The following EXOSC1 variants were observed in gnomAD, a reference collection of about 807,000 sequenced individuals.
The protein encoded by EXOSC1 is exosome complex component CSL4.
EXOSC1 carries 27 observed loss-of-function variants against 31.4 expected under a neutral mutation model. The observed-to-expected ratio is 0.86, with a 90% CI of 0.63 to 1.18. The LOEUF (loss-of-function observed/expected upper bound fraction) is 1.18, where lower values mean the gene tolerates loss of function less well. Ranked by LOEUF, EXOSC1 falls within the 50% of genes most tolerant of loss-of-function variation. The probability of loss-of-function intolerance (pLI) is 0.00; values close to 1 mark genes in which losing one functional copy is unlikely to be tolerated. For synonymous variants in EXOSC1, 84 were observed against 89.5 expected (o/e 0.94, Z 0.35); for missense variants, 228 against 250.3 (o/e 0.91, Z 0.60).
At chr10:97,442,430 GAA>G (rs960387716) in intron 3 of EXOSC1, among the ~76,000 whole-genome samples, 2 of 152,204 alleles carry the variant, frequency 1.3e-5, no homozygotes, top group African/African-American at 4.8e-5. Context: ...TGTGATGACA[GAA>G]AAGTCATGTG....
intron 7 of EXOSC1, among the ~76,000 whole-genome samples, chr10:97,436,870 A>G (rs1466902958): frequency 6.6e-6 from 1 of 152,142 alleles, no homozygotes; most frequent in Non-Finnish European, 1.5e-5. Context: ...CTAAAAATAC[A>G]AAAATTAGCT....
chr10:97,437,106 G>T, intron 7 of EXOSC1, 85 bp downstream of exon 7: 1 of 1,214,430 alleles, frequency 8.2e-7, no homozygotes, highest in Non-Finnish European at 1.2e-6. Context: ...CTGCTTCCCA[G>T]ATAAGGGAAA....
At chr10:97,437,318 T>A in intron 6 of EXOSC1, 43 bp from the exon 7 acceptor site, 7 of 1,481,862 alleles carry the variant, frequency 4.7e-6, no homozygotes, top group Non-Finnish European at 5.6e-6. Flanking sequence ...GAGTTAGAAG[T>A]CTTCCCCCAC....
At chr10:97,439,605 G>T (rs974900250) in intron 4 of EXOSC1, among the ~76,000 whole-genome samples, 23 of 152,222 alleles carry the variant, frequency 1.5e-4, no homozygotes, top group African/African-American at 5.1e-4. Flanking sequence ...TCTATATTAT[G>T]GTGAGCTGTA....
chr10:97,445,976 G>C lies in EXOSC1; in HGVS notation c.10C>G (p.Pro4Ala), dbSNP rs1405818419. 1.2e-6 allele frequency: 2 copies of C among 1,614,216 alleles called. No individual in the cohort carries two copies. The highest frequency in any genetic ancestry group is 1.1e-5 in the South Asian group (1 of 91,084). ...TTACCGGGGATGCAGTATCTCACAG[G>C]TGGCGCCATGATTGCCGCTGTCCCA... MAP[P>A]VRYCIPGERL... Residue 4 changes from proline to alanine, a missense_variant, in exon 1 of 8, where the codon CCT becomes GCT. Transcript: ENST00000370902.
At chr10:97,436,652 C>T (rs754778309) in intron 7 of EXOSC1, 101 bp from the exon 8 acceptor site, 2 of 1,084,904 alleles carry the variant, frequency 1.8e-6, no homozygotes, top group Non-Finnish European at 2.6e-6. Flanking sequence ...AAGCTTCCTA[C>T]TGAACCTCAA....
intron 6 of EXOSC1, 112 bp from the exon 7 acceptor site, chr10:97,437,387 G>A (rs554768056): frequency 2.6e-5 from 21 of 813,524 alleles, no homozygotes; most frequent in South Asian, 3.2e-5. Context: ...GTCTTGCTCC[G>A]TTAACCAGGC....
chr10:97,440,909 C>T (rs1163556838), intron 4 of EXOSC1: 3 of 271,504 alleles, frequency 1.1e-5, no homozygotes, highest in Non-Finnish European at 2.1e-5. Flanking sequence ...GCCTCAGCTT[C>T]TCAAAGTGCT....
chr10:97,438,808 A>G (rs957096804), intron 4 of EXOSC1, 105 bp from the exon 5 acceptor site: 8 of 912,902 alleles, frequency 8.8e-6, no homozygotes, highest in Non-Finnish European at 1.4e-5. Flanking sequence ...GCTGGAGTAC[A>G]GTGGCGCAAT....
In EXOSC1 at chr10:97,436,676, A is replaced by C. The variant is rs992346517; in HGVS notation, c.482-125T>G. ...ACTGAACCTCAACTCATAAAGAAAA[A>C]ACTTTGTTCATTCTACTGACTTATG... is the stretch of plus-strand genomic sequence containing the variant. On this transcript the variant is annotated intron_variant, in intron 7 of 7. Transcript: ENST00000370902. 7.5e-5 allele frequency: 59 copies of C among 788,700 alleles called. 1 individual carries two copies. In the Middle Eastern group the frequency reaches 1.5e-3, roughly 20 times the overall value. 48.9% of individuals were successfully genotyped at this position (788,700 alleles called of 1,614,324 possible).
intron 6 of EXOSC1, 74 bp downstream of exon 6, chr10:97,437,626 G>A: frequency 1.4e-6 from 2 of 1,424,440 alleles, no homozygotes; most frequent in Non-Finnish European, 9.9e-7. Context: ...GGGATTACAG[G>A]CATGAGCCAC....
intron 5 of EXOSC1, among the ~76,000 whole-genome samples, chr10:97,437,951 G>A (rs562880726): frequency 1.3e-5 from 2 of 151,660 alleles, no homozygotes; most frequent in South Asian, 2.1e-4. Context: ...ATGGAGTCTC[G>A]CTCTGTCGCC....
intron 2 of EXOSC1, chr10:97,444,552 T>A (rs149259977): frequency 1.3e-5 from 2 of 152,380 alleles, no homozygotes; most frequent in African/African-American, 2.4e-5. Context: ...ACCACATATG[T>A]AACCATATGC....
At chr10:97,443,648 G>A (rs574795389) in intron 2 of EXOSC1, 78 of 184,262 alleles carry the variant, frequency 4.2e-4, no homozygotes, top group African/African-American at 1.4e-3. Flanking sequence ...TCAGCCTCCC[G>A]AGTAGCTGGG....
Position 97,445,978 on chromosome 10 carries a change from G to T in EXOSC1, c.8C>A (p.Pro3Gln). ...ACCGGGGATGCAGTATCTCACAGGT[G>T]GCGCCATGATTGCCGCTGTCCCAAA... MA[P>Q]PVRYCIPGER... Residue 3 changes from proline (P) to glutamine (Q), a missense_variant, in exon 1 of 8, where the codon CCA becomes CAA. Coordinates refer to ENST00000370902, the MANE Select transcript of EXOSC1 (RefSeq NM_016046.5). The T allele has an allele frequency of 6.2e-7, 1 of 1,614,206 alleles. No individual in the cohort carries two copies.
In EXOSC1 at chr10:97,443,236, C is replaced by T; in HGVS notation, c.222+1G>A. On this transcript the variant is annotated splice_donor_variant, in intron 3 of 7. Transcript: ENST00000370902. LOFTEE classifies it high-confidence loss of function. The stretch of plus-strand genomic sequence containing the variant: ...AAGCATGGAGGTCAGGACCAACTTA[C>T]CTTACAGGTTACAATAGCTCCCACA... The T allele has an allele frequency of 6.2e-7, 1 of 1,613,584 alleles. No homozygotes were observed. The highest frequency in any genetic ancestry group is 8.5e-7 in the Non-Finnish European group (1 of 1,179,686).
chr10:97,444,555 C>G (rs1220789236), intron 2 of EXOSC1: 1 of 152,228 alleles, frequency 6.6e-6, no homozygotes, highest in East Asian at 1.9e-4. Context: ...ACATATGTAA[C>G]CATATGCTCA....
intron 4 of EXOSC1, among the ~76,000 whole-genome samples, chr10:97,438,998 C>T (rs142484029): frequency 1.3e-3 from 200 of 152,180 alleles, no homozygotes; most frequent in African/African-American, 4.6e-3. Flanking sequence ...GTGATCCACC[C>T]GCCTCAGCTT....
intron 4 of EXOSC1, among the ~76,000 whole-genome samples, chr10:97,439,579 C>G (rs1845651305): frequency 6.6e-6 from 1 of 152,198 alleles, no homozygotes; most frequent in Admixed American, 6.5e-5. Context: ...GAAACAAACT[C>G]AGGGCTCCCG....
Sources: allele counts gnomAD v4.1 joint callset (sites outside exome capture counted in the v4.1 genomes callset), GRCh38; gene constraint gnomAD v4.1.1; transcripts MANE v1.5; gene names NCBI Gene and HGNC (gene_info 2026-07-23, HGNC 2026-07-21).